The following VRK2 variants were observed in gnomAD, a reference collection of about 807,000 sequenced individuals.
VRK2 encodes the protein VRK serine/threonine kinase 2, also known as serine/threonine-protein kinase VRK2.
A neutral mutation model predicts 57.6 loss-of-function variants in VRK2; 60 were observed. The ratio of observed to expected loss-of-function variants is 1.04; its 90% CI spans 0.85 to 1.29. The LOEUF is 1.29. VRK2 is among the 50% of genes most tolerant of loss of function. The pLI, the probability that VRK2 is intolerant of heterozygous loss-of-function variation, is 0.00. For synonymous variants in VRK2, 231 were observed against 199.2 expected (o/e 1.16, Z -1.35); for missense variants, 705 against 588.1 (o/e 1.20, Z -2.06).
intron 1 of VRK2, among the ~76,000 whole-genome samples, chr2:57,978,950 G>A (rs913331002): frequency 6.6e-6 from 1 of 150,600 alleles, no homozygotes; most frequent in African/African-American, 2.5e-5. Flanking sequence ...ATGGCTTCCA[G>A]TTTCATCTAT....
At chr2:58,154,566 A>T (rs1683505352) in intron 12 of VRK2, among the ~76,000 whole-genome samples, 1 of 151,902 alleles carries the variant, frequency 6.6e-6, no homozygotes, top group African/African-American at 2.4e-5. Context: ...TTCTAGCATG[A>T]CATTAGCTAT....
chr2:57,930,114 C>A (rs1670670408), intron 1 of VRK2, among the ~76,000 whole-genome samples: 1 of 152,100 alleles, frequency 6.6e-6, no homozygotes, highest in South Asian at 2.1e-4. Flanking sequence ...TGGCCCCAAG[C>A]CCAGCACAGC....
At chr2:57,991,216 T>C (rs1672756608) in intron 1 of VRK2, among the ~76,000 whole-genome samples, 1 of 152,220 alleles carries the variant, frequency 6.6e-6, no homozygotes, top group Admixed American at 6.5e-5. Flanking sequence ...TCAGTACCTT[T>C]ACTTACACAT....
At chr2:58,045,438 A>C (rs762163829), upstream of VRK2, among the ~76,000 whole-genome samples, 1 of 152,160 alleles carries the variant, frequency 6.6e-6, no homozygotes, top group Non-Finnish European at 1.5e-5. Flanking sequence ...TTTGGAAAGG[A>C]GGAAAGAGTA....
At chr2:58,040,970 A>G (rs977826913) in intron 3 of VRK2, 35 of 902,226 alleles carry the variant, frequency 3.9e-5, no homozygotes, top group Admixed American at 2.5e-4. Flanking sequence ...TGTCAACTCT[A>G]TTCTTATTGA....
At chr2:57,973,517 T>C (rs1672157189) in intron 1 of VRK2, among the ~76,000 whole-genome samples, 1 of 151,900 alleles carries the variant, frequency 6.6e-6, no homozygotes, top group Admixed American at 6.6e-5. Flanking sequence ...TGAATTTCTA[T>C]ATAACGAATT....
intron 12 of VRK2, 113 bp from the exon 13 acceptor site, chr2:58,159,235 GC>G: frequency 1.3e-6 from 1 of 767,960 alleles, no homozygotes; most frequent in Non-Finnish European, 2.0e-6. Flanking sequence ...AAAATAACAC[GC>G]AAAAACTTGA....
In VRK2 at chr2:58,159,542, C is replaced by A. The variant is rs371409919; in HGVS notation, c.1376C>A (p.Thr459Lys). ...TATAAATACACTTCCACAGTCAGCA[C>A]GGGGATCACAGACTTAGAAAGTTCA... ...SWYKYTSTVS[T>K]GITDLESSTG... Residue 459 changes from threonine to lysine, a missense_variant, in exon 13 of 13, where the codon ACG (threonine) becomes AAG (lysine). Physicochemically the swap from Thr to Lys is moderately conservative, Grantham distance 78 (BLOSUM62 -1). Coordinates refer to ENST00000340157, the MANE Select transcript of VRK2 (RefSeq NM_006296.7). 9.3e-6 allele frequency: 15 copies of A among 1,613,630 alleles called. No individual in the cohort carries two copies. Among genetic ancestry groups the A allele is most frequent in the Non-Finnish European group, 1.3e-5 (15 of 1,179,784 alleles).
At chr2:57,982,745 C>T (rs905285898) in intron 1 of VRK2, among the ~76,000 whole-genome samples, 2 of 152,190 alleles carry the variant, frequency 1.3e-5, no homozygotes, top group African/African-American at 4.8e-5. Flanking sequence ...AGCAAGACAG[C>T]CCTGAACTAT....
At chr2:58,025,563 G>T (rs1051044235) in intron 1 of VRK2, 2 of 152,080 alleles carry the variant, frequency 1.3e-5, no homozygotes, top group African/African-American at 4.8e-5. Flanking sequence ...GTTGCTCAAG[G>T]TTATTTTATA....
chr2:57,920,470 C>A (rs548404269), intron 1 of VRK2, among the ~76,000 whole-genome samples: 5 of 152,074 alleles, frequency 3.3e-5, no homozygotes, highest in Non-Finnish European at 5.9e-5. Flanking sequence ...AAACAGACTT[C>A]AGTTTTACTT....
At chr2:58,139,855 T>G in intron 11 of VRK2, 23 bp downstream of exon 11, 1 of 1,580,354 alleles carries the variant, frequency 6.3e-7, no homozygotes, top group Non-Finnish European at 8.6e-7. Context: ...ATCCCTGCTA[T>G]CCTATGATTA....
At chr2:58,009,154 G>A (rs1213607739) in intron 1 of VRK2, among the ~76,000 whole-genome samples, 2 of 152,130 alleles carry the variant, frequency 1.3e-5, no homozygotes, top group African/African-American at 4.8e-5. Context: ...TGGTAGCAGG[G>A]AATATCATTA....
At chr2:58,089,837 G>A (rs957039016) in intron 7 of VRK2, 114 bp downstream of exon 7, 10 of 680,070 alleles carry the variant, frequency 1.5e-5, no homozygotes, top group East Asian at 2.7e-5. Flanking sequence ...CATGATGAAT[G>A]TTGTAATTTA....
At chr2:57,947,975 C>T (rs1464201638) in intron 1 of VRK2, among the ~76,000 whole-genome samples, 1 of 152,136 alleles carries the variant, frequency 6.6e-6, no homozygotes, top group Non-Finnish European at 1.5e-5. Context: ...AGTACTCTCT[C>T]CTGAAAATGT....
intron 1 of VRK2, among the ~76,000 whole-genome samples, chr2:57,912,690 T>C (rs1377097337): frequency 1.3e-5 from 2 of 152,208 alleles, no homozygotes; most frequent in Admixed American, 1.3e-4. Context: ...GACTATTTTC[T>C]GGCAGCCAAA....
intron 11 of VRK2, among the ~76,000 whole-genome samples, chr2:58,145,800 G>T (rs951015466): frequency 1.3e-5 from 2 of 151,758 alleles, no homozygotes; most frequent in East Asian, 1.9e-4. Flanking sequence ...ACAGGCCCCA[G>T]TGTGTGATGT....
At chr2:57,908,491 G>A (rs1040752224) in intron 1 of VRK2, among the ~76,000 whole-genome samples, 2 of 151,884 alleles carry the variant, frequency 1.3e-5, no homozygotes, top group African/African-American at 2.4e-5. Flanking sequence ...ATGAGTGTAT[G>A]CATGCATATA....
chr2:58,086,991 A>G (rs933721836), intron 5 of VRK2, among the ~76,000 whole-genome samples: 1 of 152,220 alleles, frequency 6.6e-6, no homozygotes, highest in Non-Finnish European at 1.5e-5. Flanking sequence ...GTCCTGAGAG[A>G]GGAGAATTCA....
Sources: gnomAD v4.1 joint callset for allele counts (sites outside exome capture counted in the v4.1 genomes callset) on GRCh38, gnomAD v4.1.1 for gene constraint, MANE v1.5 for transcripts, NCBI Gene and HGNC (gene_info 2026-07-23, HGNC 2026-07-21) for gene names.